RYR2: variants seen among roughly 807,000 people sequenced by gnomAD.
RYR2 encodes ryanodine receptor 2, also known as cardiac muscle ryanodine receptor-calcium release channel.
Under a neutral mutation model 601.1 loss-of-function variants are expected in RYR2, and 227 were observed. That is an observed-to-expected ratio of 0.38 (90% CI 0.34 to 0.42). The LOEUF (loss-of-function observed/expected upper bound fraction) is 0.42, where lower values mean the gene tolerates loss of function less well. Among genes scored for constraint, RYR2 ranks in the 10% least tolerant of loss-of-function variants. RYR2 has a pLI of 1.00. For missense variants in RYR2, 4,646 were observed against 6,156.5 expected (o/e 0.75, Z 8.21); for synonymous variants, 2,223 against 2,175.1 (o/e 1.02, Z -0.61).
intron 100 of RYR2, among the ~76,000 whole-genome samples, chr1:237,810,998 C>G (rs1437691816): frequency 6.6e-6 from 1 of 152,068 alleles, no homozygotes; most frequent in Non-Finnish European, 1.5e-5. Context: ...GGGGTAGGAC[C>G]ATAGATCACA....
chr1:237,452,668 GTTTAATC>G (rs1176698430), intron 14 of RYR2, among the ~76,000 whole-genome samples: 1 of 150,308 alleles, frequency 6.7e-6, no homozygotes, highest in East Asian at 1.9e-4. Context: ...TAATAATATA[GTTTAATC>G]TTTAAATTAC....
At chr1:237,506,346 G>A (rs12075439) in intron 22 of RYR2, among the ~76,000 whole-genome samples, 14,657 of 152,120 alleles carry the variant, frequency 0.096, 1,419 homozygotes, top group African/African-American at 0.24. Context: ...AACCATCCTG[G>A]CTAACACGGT....
intron 5 of RYR2, among the ~76,000 whole-genome samples, chr1:237,368,880 A>T (rs182081491): frequency 6.6e-6 from 1 of 151,440 alleles, no homozygotes; most frequent in South Asian, 2.1e-4. Context: ...CTGGAGTGCA[A>T]TGGTGCAATC....
intron 56 of RYR2, among the ~76,000 whole-genome samples, chr1:237,663,748 T>G: frequency 6.6e-6 from 1 of 152,242 alleles, no homozygotes; most frequent in East Asian, 1.9e-4. Context: ...TTATCATCGT[T>G]ATGTGGATCA....
chr1:237,495,135 A>C (rs995943266), intron 19 of RYR2, among the ~76,000 whole-genome samples: 2 of 152,172 alleles, frequency 1.3e-5, no homozygotes, highest in African/African-American at 4.8e-5. Context: ...CTTATTGCAT[A>C]TTCACTCTAG....
intron 10 of RYR2, among the ~76,000 whole-genome samples, chr1:237,410,451 T>C (rs1161910721): frequency 6.6e-6 from 1 of 151,992 alleles, no homozygotes; most frequent in African/African-American, 2.4e-5. Context: ...GAGATTAAAA[T>C]GACCAATAAT....
intron 49 of RYR2, among the ~76,000 whole-genome samples, chr1:237,648,843 A>G (rs771570856): frequency 5.7e-4 from 87 of 152,224 alleles, no homozygotes; most frequent in Non-Finnish European, 1.8e-4. Flanking sequence ...CAAAAAGAAT[A>G]TGATAAGAAT....
intron 63 of RYR2, among the ~76,000 whole-genome samples, chr1:237,694,225 T>C (rs1573550119): frequency 7.1e-6 from 1 of 141,658 alleles, no homozygotes; most frequent in Non-Finnish European, 1.5e-5. Context: ...ACCCAGGAGG[T>C]GGAGTTTGCA....
intron 1 of RYR2, among the ~76,000 whole-genome samples, chr1:237,047,501 G>T (rs1017551093): frequency 6.7e-6 from 1 of 149,184 alleles, no homozygotes; most frequent in Non-Finnish European, 1.5e-5. Flanking sequence ...ACCTTATTTG[G>T]TTGCTCCCCT....
chr1:237,508,066 C>T (rs569333016), intron 23 of RYR2, among the ~76,000 whole-genome samples: 66 of 152,194 alleles, frequency 4.3e-4, no homozygotes, highest in African/African-American at 1.4e-3. Context: ...CCGGTTTAAG[C>T]GATTCTCCTG....
chr1:237,262,490 C>T (rs1195187646), intron 1 of RYR2, among the ~76,000 whole-genome samples: 1 of 151,956 alleles, frequency 6.6e-6, no homozygotes, highest in Non-Finnish European at 1.5e-5. Flanking sequence ...ATCCTGGCCT[C>T]AGTTGATCCA....
intron 17 of RYR2, among the ~76,000 whole-genome samples, chr1:237,488,107 C>T (rs920809064): frequency 3.3e-5 from 5 of 152,200 alleles, no homozygotes; most frequent in Middle Eastern, 3.4e-3. Context: ...TTTATTCACT[C>T]TATGGGCCTT....
chr1:237,422,822 C>G (rs1393671958), intron 11 of RYR2, among the ~76,000 whole-genome samples: 1 of 152,108 alleles, frequency 6.6e-6, no homozygotes, highest in Admixed American at 6.5e-5. Context: ...TAGAATAGGG[C>G]GCTGTGTGGA....
Position 237,705,310 on chromosome 1 carries a change from A to G in RYR2, c.9547A>G (p.Ile3183Val). The change falls in exon 67 of 105, where the codon ATC (isoleucine) becomes GTC (valine). Residue 3183 changes from isoleucine to valine, a missense_variant. Physicochemically the swap from Ile to Val is conservative, Grantham distance 29. Transcript: ENST00000366574. ...THLDKHNIYS[I>V]YNTKSSRERA... ...TCTGGACAAACATAATATTTACTCC[A>G]TCTACAATACCAAGTCTTCACGAGA... 1 of 1,605,274 alleles carries G rather than the reference A, an allele frequency of 6.2e-7. No individual in the cohort carries two copies. Among genetic ancestry groups the G allele is most frequent in the Non-Finnish European group, 8.5e-7 (1 of 1,175,058 alleles).
chr1:237,746,578 C>T (rs980651255), intron 80 of RYR2, among the ~76,000 whole-genome samples: 7 of 151,986 alleles, frequency 4.6e-5, no homozygotes, highest in Admixed American at 1.3e-4. Context: ...TAAATTAAAA[C>T]GTGCCTGATT....
chr1:237,396,097 G>T (rs1436648742), intron 10 of RYR2, among the ~76,000 whole-genome samples: 2 of 152,154 alleles, frequency 1.3e-5, no homozygotes, highest in Non-Finnish European at 2.9e-5. Flanking sequence ...GGTTAAGGAT[G>T]GCTGTATAGA....
chr1:237,482,751 T>C (rs913582267), intron 17 of RYR2, among the ~76,000 whole-genome samples: 5 of 152,082 alleles, frequency 3.3e-5, no homozygotes, highest in Admixed American at 2.6e-4. Context: ...AGTAGCTCAA[T>C]TTTTAGTTTT....
At chr1:237,046,052 G>C (rs761259721) in intron 1 of RYR2, among the ~76,000 whole-genome samples, 2 of 151,974 alleles carry the variant, frequency 1.3e-5, no homozygotes, top group Non-Finnish European at 2.9e-5. Context: ...TCTTCCTCCT[G>C]TCTTCTTTTG....
chr1:237,823,733 A>G (rs1226939075), intron 101 of RYR2, among the ~76,000 whole-genome samples: 1 of 152,216 alleles, frequency 6.6e-6, no homozygotes, highest in Admixed American at 6.5e-5. Flanking sequence ...AAAATCAGTG[A>G]ATCCAGGAGC....
Sources: gnomAD v4.1 joint callset for allele counts (sites outside exome capture counted in the v4.1 genomes callset) on GRCh38, gnomAD v4.1.1 for gene constraint, MANE v1.5 for transcripts, NCBI Gene and HGNC (gene_info 2026-07-23, HGNC 2026-07-21) for gene names.